Variants in KCNT2 observed in about 807,000 individuals in gnomAD.
KCNT2 encodes potassium sodium-activated channel subfamily T member 2, also known as potassium channel subfamily T member 2.
A neutral mutation model predicts 153.8 loss-of-function variants in KCNT2; 67 were observed. That is an observed-to-expected ratio of 0.44 (90% CI 0.36 to 0.53). The LOEUF (loss-of-function observed/expected upper bound fraction) is 0.53, where lower values mean the gene tolerates loss of function less well. KCNT2 is among the 20% of genes least tolerant of loss of function. KCNT2 has a pLI of 0.00. For synonymous variants in KCNT2, 500 were observed against 458.8 expected, an observed-to-expected ratio of 1.09 and a Z score of -1.15; for missense variants, 975 against 1,354.8, an observed-to-expected ratio of 0.72 and a Z score of 4.40.
At chr1:196,486,741 G>T (rs187438978) in intron 3 of KCNT2, among the ~76,000 whole-genome samples, 15 of 151,816 alleles carry the variant, frequency 9.9e-5, no homozygotes, top group African/African-American at 3.1e-4. Context: ...AGCTTGTAAT[G>T]TATTAACAAA....
intron 1 of KCNT2, among the ~76,000 whole-genome samples, chr1:196,556,400 C>A (rs568555116): frequency 6.6e-6 from 1 of 151,546 alleles, no homozygotes; most frequent in African/African-American, 2.4e-5. Flanking sequence ...TGAGAAGGAA[C>A]TCAACATCAT....
chr1:196,448,554 T>C (rs939999811), intron 8 of KCNT2, among the ~76,000 whole-genome samples: 7 of 151,576 alleles, frequency 4.6e-5, no homozygotes, highest in African/African-American at 1.7e-4. Context: ...CCTGGAAGCT[T>C]TTTATAATGT....
chr1:196,393,435 G>A (rs1028778714), intron 13 of KCNT2, among the ~76,000 whole-genome samples: 1 of 151,556 alleles, frequency 6.6e-6, no homozygotes, highest in Non-Finnish European at 1.5e-5. Flanking sequence ...GATTTTCTGA[G>A]TAACCTCATC....
At chr1:196,435,244 C>T (rs1199424956) in intron 8 of KCNT2, among the ~76,000 whole-genome samples, 3 of 143,956 alleles carry the variant, frequency 2.1e-5, no homozygotes, top group Non-Finnish European at 4.5e-5. Context: ...TCTCATTTAT[C>T]TCACCTTCAC....
intron 13 of KCNT2, among the ~76,000 whole-genome samples, chr1:196,386,362 T>C (rs1411347593): frequency 6.6e-6 from 1 of 152,104 alleles, no homozygotes; most frequent in East Asian, 1.9e-4. Context: ...TTTGGGATAG[T>C]TATGCAGCAA....
intron 25 of KCNT2, among the ~76,000 whole-genome samples, chr1:196,267,835 G>C (rs1657695616): frequency 6.6e-6 from 1 of 152,082 alleles, no homozygotes; most frequent in Non-Finnish European, 1.5e-5. Flanking sequence ...GGCCAAACTT[G>C]GGCATAAGTC....
intron 26 of KCNT2, among the ~76,000 whole-genome samples, chr1:196,239,294 T>G (rs1402514106): frequency 6.6e-6 from 1 of 151,728 alleles, no homozygotes; most frequent in African/African-American, 2.4e-5. Flanking sequence ...TACTGTTTCA[T>G]CAGTGACATA....
chr1:196,372,907 A>C (rs1489044857), intron 14 of KCNT2, among the ~76,000 whole-genome samples: 3 of 151,926 alleles, frequency 2.0e-5, no homozygotes, highest in African/African-American at 7.2e-5. Context: ...AATAAGTTGC[A>C]ACAAACTATC....
In KCNT2 at chr1:196,409,821, G is replaced by A. The variant is rs1481948060; in HGVS notation, c.1186-11150C>T. 2.0e-5 allele frequency among the ~76,000 whole-genome samples: 3 copies of A among 151,548 alleles called. No individual in the cohort carries two copies. The East Asian group carries it at 5.8e-4, about 29-fold the overall frequency. On this transcript the variant is annotated intron_variant, in intron 12 of 27. Coordinates refer to ENST00000294725, the MANE Select transcript of KCNT2 (RefSeq NM_198503.5). ...GCCTTTGGATGTATAACAGGAAGTG[G>A]GATTTCTGAGTCATATGGCAATTCT...
At chr1:196,432,639 T>C (rs1240580099) in intron 8 of KCNT2, among the ~76,000 whole-genome samples, 1 of 152,140 alleles carries the variant, frequency 6.6e-6, no homozygotes, top group Non-Finnish European at 1.5e-5. Flanking sequence ...TTCTCCCCTT[T>C]GGAATAAGAA....
At chr1:196,334,104 T>C (rs754724555) in intron 16 of KCNT2, 44 bp from the exon 17 acceptor site, 2 of 1,250,634 alleles carry the variant, frequency 1.6e-6, no homozygotes, top group South Asian at 1.2e-5. Context: ...GTTTGCCATA[T>C]TGATCACTAG....
intron 25 of KCNT2, among the ~76,000 whole-genome samples, chr1:196,263,816 G>C (rs1657259366): frequency 6.6e-6 from 1 of 152,198 alleles, no homozygotes; most frequent in Non-Finnish European, 1.5e-5. Flanking sequence ...ATCTCTAAAA[G>C]ATAAATCAAA....
chr1:196,254,023 A>C (rs1168436207), intron 26 of KCNT2, among the ~76,000 whole-genome samples: 2 of 151,502 alleles, frequency 1.3e-5, no homozygotes, highest in Non-Finnish European at 3.0e-5. Flanking sequence ...TCTAGGAAGG[A>C]TATGATACAA....
chr1:196,264,613 A>T (rs1657352587), intron 25 of KCNT2, among the ~76,000 whole-genome samples: 1 of 151,624 alleles, frequency 6.6e-6, no homozygotes, highest in Non-Finnish European at 1.5e-5. Flanking sequence ...CAATATATAT[A>T]TTTTTTTAAT....
Position 196,596,051 on chromosome 1 carries a change from GATGTGTATATATATATATATATAT to G in KCNT2, c.95+12140_95+12163del, listed in dbSNP as rs1462217297. Among the ~76,000 whole-genome samples the G allele has an allele frequency of 5.0e-4, 44 of 87,232 alleles. 1 individual carries two copies. Among genetic ancestry groups the G allele is most frequent in the African/African-American group, 2.4e-3 (38 of 15,820 alleles). 57.2% of individuals were successfully genotyped at this position (87,232 alleles called of 152,430 possible). A position where few individuals can be genotyped will look rare whatever the true frequency, so the allele number is the denominator to read the frequency against. ...TTGTTATGGCTGAGTTGTATTCCAT[GATGTGTATATATATATATATATAT>G]ATATATATATATATATATATATATA... On this transcript the variant is annotated intron_variant, in intron 1 of 27. Transcript: ENST00000294725.
At chr1:196,449,672 ATT>A (rs1282648352) in intron 8 of KCNT2, among the ~76,000 whole-genome samples, 3 of 151,690 alleles carry the variant, frequency 2.0e-5, no homozygotes, top group Non-Finnish European at 4.4e-5. Context: ...TGATGAAATA[ATT>A]TAGACAATGT....
intron 22 of KCNT2, among the ~76,000 whole-genome samples, chr1:196,298,648 A>G (rs547486180): frequency 6.6e-6 from 1 of 151,866 alleles, no homozygotes; most frequent in South Asian, 2.1e-4. Context: ...ATCATTAGCC[A>G]CGTGATGAAA....
intron 8 of KCNT2, among the ~76,000 whole-genome samples, chr1:196,446,919 T>C (rs889230498): frequency 2.6e-5 from 4 of 151,538 alleles, no homozygotes; most frequent in African/African-American, 9.7e-5. Context: ...ACCACCTGTC[T>C]TTACCCATTA....
chr1:196,303,067 C>A (rs1185438693), intron 22 of KCNT2, among the ~76,000 whole-genome samples: 6 of 151,288 alleles, frequency 4.0e-5, no homozygotes, highest in Non-Finnish European at 8.8e-5. Context: ...TTCCTTGGAG[C>A]ATTTTCTTTA....
Sources: gnomAD v4.1 joint callset for allele counts (sites outside exome capture counted in the v4.1 genomes callset) on GRCh38, gnomAD v4.1.1 for gene constraint, MANE v1.5 for transcripts, NCBI Gene and HGNC (gene_info 2026-07-23, HGNC 2026-07-21) for gene names.